Variants in MCF2L observed in about 807,000 individuals in gnomAD.
MCF2L encodes MCF.2 cell line derived transforming sequence like.
A neutral mutation model predicts 153.4 loss-of-function variants in MCF2L; 97 were observed. The ratio of observed to expected loss-of-function variants is 0.63; its 90% CI spans 0.54 to 0.75. The LOEUF is 0.75. MCF2L is among the 30% of genes least tolerant of loss of function. The pLI is 0.00. For missense variants in MCF2L, 1,347 were observed against 1,495.2 expected, an observed-to-expected ratio of 0.90 and a Z score of 1.64; for synonymous variants, 659 against 632.2, an observed-to-expected ratio of 1.04 and a Z score of -0.64.
At chr13:112,898,391 C>A (rs544606650) in intron 1 of MCF2L, among the ~76,000 whole-genome samples, 1 of 152,270 alleles carries the variant, frequency 6.6e-6, no homozygotes, top group East Asian at 1.9e-4. Flanking sequence ...AACCTGTGTG[C>A]GGAGGAGGCT....
At position 112,983,635 on chromosome 13, in the gene MCF2L, T is replaced by C. The variant is rs2082521255; in HGVS notation, c.79+14177T>C. 6.6e-6 allele frequency among the ~76,000 whole-genome samples: 1 copy of C among 152,194 alleles called. No individual in the cohort carries two copies. Among genetic ancestry groups the C allele is most frequent in the South Asian group, 2.1e-4 (1 of 4,830 alleles). ...GTGGCCTCTTTACAGCTCTGTCCCC[T>C]GCCTTATCTCGCTGGCTCTGCCCTT... On this transcript the variant is annotated intron_variant, in intron 1 of 29. Transcript: ENST00000535094. The surrounding 1 kb of genome is among the most constrained non-coding windows in gnomAD (Gnocchi z 4.0).
In MCF2L at chr13:113,097,128, C is replaced by T; in HGVS notation, c.*269C>T. On this transcript the variant is annotated 3_prime_UTR_variant, in exon 30 of 30. Coordinates refer to ENST00000535094, the MANE Select transcript of MCF2L (RefSeq NM_001112732.3). ...CAGGCGCCGGGCAGCGGCATCTCGT[C>T]CTGGCTCCACCGTGCTGCTTCTGCC... 3.0e-6 allele frequency: 1 copy of T among 328,526 alleles called. No individual in the cohort carries two copies. 20.4% of individuals were successfully genotyped at this position (328,526 alleles called of 1,614,324 possible).
chr13:112,912,846 G>C (rs1391186927), intron 2 of MCF2L, among the ~76,000 whole-genome samples: 2 of 150,636 alleles, frequency 1.3e-5, no homozygotes, highest in African/African-American at 2.4e-5. Context: ...TGTGTCTGTA[G>C]TGTATCTGTG....
At chr13:112,922,916 A>G (rs978108331) in intron 2 of MCF2L, among the ~76,000 whole-genome samples, 9 of 152,372 alleles carry the variant, frequency 5.9e-5, no homozygotes, top group Admixed American at 3.3e-4. Flanking sequence ...AGAATCCATT[A>G]ATGCATAGAG....
At chr13:113,079,643 C>G (rs1009874973) in intron 15 of MCF2L, among the ~76,000 whole-genome samples, 1 of 152,174 alleles carries the variant, frequency 6.6e-6, no homozygotes, top group Non-Finnish European at 1.5e-5. Context: ...GGAAACTGAG[C>G]TTGGTGTGAA....
intron 2 of MCF2L, among the ~76,000 whole-genome samples, chr13:112,919,937 A>G (rs892661204): frequency 2.6e-5 from 4 of 152,300 alleles, no homozygotes; most frequent in South Asian, 2.1e-4. Context: ...TGAATTATGG[A>G]TGTTTCAGAT....
intron 2 of MCF2L, among the ~76,000 whole-genome samples, chr13:112,959,712 G>A (rs2081800954): frequency 6.6e-6 from 1 of 152,158 alleles, no homozygotes; most frequent in Non-Finnish European, 1.5e-5. Flanking sequence ...TTGGCAAGAG[G>A]GATGTCAAAA....
At chr13:113,029,410 T>G (rs1312979783) in intron 3 of MCF2L, among the ~76,000 whole-genome samples, 1 of 152,224 alleles carries the variant, frequency 6.6e-6, no homozygotes, top group Non-Finnish European at 1.5e-5. Context: ...ACGGGATGCC[T>G]TCTTGAGAAG....
chr13:112,926,601 A>G (rs1225774082), intron 2 of MCF2L, among the ~76,000 whole-genome samples: 1 of 152,144 alleles, frequency 6.6e-6, no homozygotes, highest in Non-Finnish European at 1.5e-5. Flanking sequence ...GGCTTCATCT[A>G]TATACACACA....
intron 1 of MCF2L, chr13:112,979,611 G>T (rs958732971): frequency 8.7e-6 from 14 of 1,608,202 alleles, no homozygotes; most frequent in African/African-American, 1.3e-5. Flanking sequence ...TGTGGTCCCT[G>T]CGTGAAGAAC....
intron 2 of MCF2L, among the ~76,000 whole-genome samples, chr13:113,019,460 C>T (rs778733992): frequency 1.3e-5 from 2 of 152,218 alleles, no homozygotes; most frequent in African/African-American, 4.8e-5. Context: ...GTTCCCTGCC[C>T]GTGGGGGTTT....
At chr13:113,043,650 G>C (rs75004145) in intron 3 of MCF2L, 1 of 152,262 alleles carries the variant, frequency 6.6e-6, no homozygotes, top group Non-Finnish European at 1.5e-5. Flanking sequence ...AGAAAAAGTC[G>C]TCAAAGTGCT....
At chr13:113,087,025 C>T (rs537338345) in intron 21 of MCF2L, among the ~76,000 whole-genome samples, 2 of 152,174 alleles carry the variant, frequency 1.3e-5, no homozygotes, top group Non-Finnish European at 2.9e-5. Context: ...GTCCTAGAAG[C>T]CCATGTGCCC....
chr13:113,089,163 T>TCC (rs1566878835), intron 25 of MCF2L, among the ~76,000 whole-genome samples: 11 of 89,402 alleles, frequency 1.2e-4, no homozygotes, highest in South Asian at 4.6e-4. Context: ...AAAGAAACAC[T>TCC]CCCCCGCCCC....
At position 113,064,999 on chromosome 13, in the gene MCF2L, G is replaced by C. The variant is rs144305393; in HGVS notation, c.670G>C (p.Glu224Gln). 2 of 1,612,924 alleles carry C rather than the reference G, an allele frequency of 1.2e-6. No homozygotes were observed. Among genetic ancestry groups the C allele is most frequent in the Admixed American group, 3.3e-5 (2 of 59,986 alleles). ...TCAGATGCTGCAGTCCTTCGGGACC[G>C]AGCTGGCTGAAACAGAGCTGCCCAA... is the stretch of plus-strand genomic sequence containing the variant. ...TAQMLQSFGT[E>Q]LAETELPNDV... Residue 224 changes from glutamate (E) to glutamine (Q), a missense_variant, in exon 7 of 30, where the codon GAG becomes CAG. Physicochemically the swap from Glu to Gln is conservative, Grantham distance 29 (BLOSUM62 2). Around this residue, in one of 3 missense-constraint regions of MCF2L, gnomAD observed 820 missense variants for 921.2 expected, o/e 0.89. Transcript: ENST00000535094. This position sits in a 1 kb window ranked among gnomAD's most constrained non-coding sequence, Gnocchi z 6.0.
At chr13:112,910,613 A>C (rs1208049108) in intron 2 of MCF2L, 1 of 152,274 alleles carries the variant, frequency 6.6e-6, no homozygotes, top group Non-Finnish European at 1.5e-5. Context: ...AAATGTTTTT[A>C]ATCATACATG....
intron 12 of MCF2L, 50 bp from the exon 13 acceptor site, chr13:113,077,002 A>G: frequency 6.4e-7 from 1 of 1,563,984 alleles, no homozygotes; most frequent in Non-Finnish European, 8.7e-7. Flanking sequence ...GTGTATTTTT[A>G]GTGATGACAC....
intron 3 of MCF2L, among the ~76,000 whole-genome samples, chr13:113,036,340 T>C (rs547119146): frequency 1.9e-4 from 29 of 152,386 alleles, no homozygotes; most frequent in African/African-American, 6.7e-4. Context: ...CAATTTTAAG[T>C]AACACTTTTC....
chr13:112,917,744 G>T (rs1024075655), intron 2 of MCF2L, among the ~76,000 whole-genome samples: 1 of 152,210 alleles, frequency 6.6e-6, no homozygotes, highest in Non-Finnish European at 1.5e-5. Context: ...CCACTGGATG[G>T]GTAGTTTGTG....
Sources: allele counts gnomAD v4.1 joint callset (sites outside exome capture counted in the v4.1 genomes callset), GRCh38; gene constraint gnomAD v4.1.1; regional missense constraint gnomAD v4.1.1; non-coding constraint Gnocchi (gnomAD v3.1); transcripts MANE v1.5; gene names NCBI Gene and HGNC (gene_info 2026-07-23, HGNC 2026-07-21).